The following NLRP11 variants were observed in gnomAD, a reference collection of about 807,000 sequenced individuals.
NLRP11 encodes the protein NACHT, LRR and PYD domains-containing protein 11.
A neutral mutation model predicts 79.3 loss-of-function variants in NLRP11; 53 were observed. The observed-to-expected ratio is 0.67, with a 90% CI of 0.54 to 0.84. The LOEUF is 0.84. Among genes scored for constraint, NLRP11 ranks in the 40% least tolerant of loss-of-function variants. The pLI is 0.00. For missense variants in NLRP11, 1,264 were observed against 1,255.0 expected (o/e 1.01, Z -0.11); for synonymous variants, 518 against 462.6 (o/e 1.12, Z -1.54).
intron 2 of NLRP11, among the ~76,000 whole-genome samples, chr19:55,814,138 T>C (rs999761370): frequency 3.9e-5 from 6 of 152,106 alleles, no homozygotes; most frequent in African/African-American, 7.2e-5. Flanking sequence ...AGTGGGAGCA[T>C]TGGATTCTCA....
At chr19:55,832,886 G>C (rs918177311), upstream of NLRP11, 2 of 152,124 alleles carry the variant, frequency 1.3e-5, no homozygotes, top group Non-Finnish European at 2.9e-5. Flanking sequence ...TCAACATAGT[G>C]CACCTGTTCA....
intron 2 of NLRP11, among the ~76,000 whole-genome samples, chr19:55,814,775 T>C (rs1317628879): frequency 6.6e-6 from 1 of 152,132 alleles, no homozygotes; most frequent in African/African-American, 2.4e-5. Flanking sequence ...CAACACCAGC[T>C]TTTCAACTGG....
chr19:55,792,515 A>T (rs1978369843), intron 6 of NLRP11, 44 bp from the exon 7 acceptor site: 1 of 1,563,482 alleles, frequency 6.4e-7, no homozygotes, highest in East Asian at 2.2e-5. Flanking sequence ...TGAGCACCAG[A>T]GAGGGGAGCA....
At chr19:55,789,795 C>A (rs1368266716) in intron 7 of NLRP11, among the ~76,000 whole-genome samples, 1 of 152,176 alleles carries the variant, frequency 6.6e-6, no homozygotes, top group African/African-American at 2.4e-5. Context: ...TGTCAAAATC[C>A]AACATCGAGA....
chr19:55,813,147 C>G (rs575725428), intron 2 of NLRP11, among the ~76,000 whole-genome samples: 18 of 151,908 alleles, frequency 1.2e-4, no homozygotes, highest in Non-Finnish European at 1.9e-4. Flanking sequence ...GGCCAACATG[C>G]TGAAACCCCA....
chr19:55,791,580 T>C (rs1388275907), intron 7 of NLRP11, among the ~76,000 whole-genome samples: 1 of 152,238 alleles, frequency 6.6e-6, no homozygotes. Flanking sequence ...GTTATCAGTT[T>C]CTTATATTTC....
chr19:55,808,903 T>A, exon 3 of NLRP11: 1 of 1,614,118 alleles, frequency 6.2e-7, no homozygotes, highest in Non-Finnish European at 8.5e-7. Flanking sequence ...GAAGGTAAAC[T>A]GTAACCTCCA....
chr19:55,805,707 T>C (rs566176424), intron 4 of NLRP11, among the ~76,000 whole-genome samples: 38 of 152,012 alleles, frequency 2.5e-4, no homozygotes, highest in African/African-American at 8.2e-4. Context: ...ACCCGGCTAA[T>C]TTTTGTGTTT....
intron 9 of NLRP11, 34 bp from the exon 10 acceptor site, chr19:55,785,905 C>T (rs910740816): frequency 1.6e-5 from 26 of 1,596,966 alleles, no homozygotes; most frequent in African/African-American, 2.7e-5. Flanking sequence ...GCCGTTAATG[C>T]TACATGTGAG....
intron 1 of NLRP11, among the ~76,000 whole-genome samples, chr19:55,829,658 CAAAAAAAAA>C (rs543036205): frequency 1.4e-5 from 1 of 73,138 alleles, no homozygotes; most frequent in Non-Finnish European, 2.5e-5. Context: ...GACTCCGTCT[CAAAAAAAAA>C]AAAAAAAAAA....
intron 1 of NLRP11, among the ~76,000 whole-genome samples, chr19:55,820,877 G>A (rs536238909): frequency 2.0e-5 from 3 of 152,048 alleles, no homozygotes; most frequent in Non-Finnish European, 4.4e-5. Context: ...AGGATTTCAG[G>A]GTGTACAGAA....
chr19:55,816,020 C>G (rs1033157719), intron 2 of NLRP11, among the ~76,000 whole-genome samples: 1 of 152,222 alleles, frequency 6.6e-6, no homozygotes, highest in South Asian at 2.1e-4. Flanking sequence ...TGAGTCATAA[C>G]GATGAGTGAA....
intron 4 of NLRP11, 127 bp downstream of exon 4, chr19:55,807,723 CAGA>C (rs1189469423): frequency 1.7e-6 from 1 of 586,088 alleles, no homozygotes; most frequent in Non-Finnish European, 3.0e-6. Flanking sequence ...TTGAGAAGTA[CAGA>C]AGGAGCCTAG....
At chr19:55,810,235 C>A in exon 3 of NLRP11, 2 of 1,614,012 alleles carry the variant, frequency 1.2e-6, no homozygotes, top group Non-Finnish European at 1.7e-6. Flanking sequence ...ACACATCTGA[C>A]GAAACGTCAC....
At chr19:55,807,359 C>T (rs1980096716) in intron 4 of NLRP11, among the ~76,000 whole-genome samples, 1 of 152,140 alleles carries the variant, frequency 6.6e-6, no homozygotes, top group Non-Finnish European at 1.5e-5. Context: ...GATTCTAACG[C>T]ATTCTGTAGG....
intron 5 of NLRP11, among the ~76,000 whole-genome samples, chr19:55,797,652 C>A (rs12979781): frequency 6.6e-6 from 1 of 152,112 alleles, no homozygotes; most frequent in Admixed American, 6.6e-5. Flanking sequence ...AGGCACTGAG[C>A]GAAGACTCTC....
rs781033137 is a variant in NLRP11 at position 55,810,332 on chromosome 19, T to C, written c.278A>G (p.Gln93Arg). The C allele has an allele frequency of 3.7e-6, 6 of 1,607,652 alleles. No individual in the cohort carries two copies. In the African/African-American group the frequency reaches 8.0e-5, roughly 21 times the overall value. Residue 93 changes from glutamine (Q) to arginine (R), a missense_variant, in exon 3 of 10, where the codon CAG becomes CGG. Physicochemically the swap from Gln to Arg is conservative, Grantham distance 43. Coordinates refer to ENST00000589093, the Ensembl canonical transcript of NLRP11. ...CCTCATGACAGCTTTGCATGCCTCC[T>C]GATTGCCTAATCCAGCGAGTACAGG...
At chr19:55,797,122 T>C (rs1335303327) in intron 5 of NLRP11, among the ~76,000 whole-genome samples, 1 of 152,096 alleles carries the variant, frequency 6.6e-6, no homozygotes, top group Non-Finnish European at 1.5e-5. Flanking sequence ...TGGGACCCTA[T>C]TTTTTAAAAA....
At chr19:55,810,953 G>C (rs945471351) in intron 2 of NLRP11, among the ~76,000 whole-genome samples, 2 of 152,116 alleles carry the variant, frequency 1.3e-5, no homozygotes, top group Non-Finnish European at 2.9e-5. Context: ...GGGTTCCTTA[G>C]CGTTTTAGGT....
Sources: allele counts gnomAD v4.1 joint callset (sites outside exome capture counted in the v4.1 genomes callset), GRCh38; gene constraint gnomAD v4.1.1; transcripts MANE v1.5; gene names NCBI Gene and HGNC (gene_info 2026-07-23, HGNC 2026-07-21).